The following CORIN variants were observed in gnomAD, a reference collection of about 807,000 sequenced individuals.
The protein encoded by CORIN is atrial natriuretic peptide-converting enzyme.
CORIN carries 117 observed loss-of-function variants against 125.3 expected under a neutral mutation model. The observed-to-expected ratio is 0.93, with a 90% CI of 0.80 to 1.09. The LOEUF is 1.09. Ranked by LOEUF, CORIN falls within the 50% of genes least tolerant of loss-of-function variation. The pLI is 0.00. For synonymous variants in CORIN, 450 were observed against 466.4 expected, an observed-to-expected ratio of 0.96 and a Z score of 0.45; for missense variants, 1,253 against 1,306.7, an observed-to-expected ratio of 0.96 and a Z score of 0.63.
At chr4:47,732,238 G>A (rs1269352826) in intron 5 of CORIN, among the ~76,000 whole-genome samples, 3 of 152,182 alleles carry the variant, frequency 2.0e-5, no homozygotes, top group African/African-American at 7.2e-5. Flanking sequence ...GCAGTGACAG[G>A]CAGATCAGAA....
intron 16 of CORIN, among the ~76,000 whole-genome samples, chr4:47,628,680 T>C (rs1198420445): frequency 6.6e-6 from 1 of 152,196 alleles, no homozygotes; most frequent in Non-Finnish European, 1.5e-5. Flanking sequence ...AAGTTGACTT[T>C]TTTAGATTCC....
At chr4:47,600,582 T>G (rs12650894) in intron 20 of CORIN, among the ~76,000 whole-genome samples, 41,229 of 151,964 alleles carry the variant, frequency 0.27, 6,780 homozygotes, top group East Asian at 0.64. Flanking sequence ...TATTAATGGG[T>G]AAACCAAGGC....
chr4:47,775,883 T>C (rs1730274824), intron 3 of CORIN, among the ~76,000 whole-genome samples: 2 of 152,310 alleles, frequency 1.3e-5, no homozygotes, highest in South Asian at 4.1e-4. Context: ...GATTTGGGGC[T>C]TTGTCTTTTG....
At chr4:47,643,108 T>C in intron 15 of CORIN, 38 bp downstream of exon 15, 3 of 1,613,862 alleles carry the variant, frequency 1.9e-6, no homozygotes, top group Non-Finnish European at 2.5e-6. Context: ...CTGACAGGCA[T>C]GAGAGAGTAC....
chr4:47,781,879 A>G (rs534442215), intron 3 of CORIN, among the ~76,000 whole-genome samples: 1 of 152,202 alleles, frequency 6.6e-6, no homozygotes, highest in Admixed American at 6.5e-5. Flanking sequence ...CAGAGGTTGC[A>G]GTGAGCCGAG....
intron 5 of CORIN, among the ~76,000 whole-genome samples, chr4:47,723,355 C>T (rs1577863665): frequency 1.3e-5 from 2 of 152,230 alleles, no homozygotes; most frequent in East Asian, 3.9e-4. Flanking sequence ...TGGGTTTATC[C>T]CTCAGGTCTC....
chr4:47,786,382 GA>G (rs952720904), intron 3 of CORIN, among the ~76,000 whole-genome samples: 6 of 151,086 alleles, frequency 4.0e-5, no homozygotes, highest in African/African-American at 9.7e-5. Flanking sequence ...CAAAACTACA[GA>G]AAAAAAAATT....
chr4:47,624,322 G>A (rs567498731), intron 17 of CORIN, among the ~76,000 whole-genome samples: 5 of 152,238 alleles, frequency 3.3e-5, no homozygotes, highest in Middle Eastern at 3.4e-3. Context: ...GTTCTCAAGG[G>A]GAGATGGGAG....
At chr4:47,727,988 A>T (rs1320721328) in intron 5 of CORIN, among the ~76,000 whole-genome samples, 2 of 152,170 alleles carry the variant, frequency 1.3e-5, no homozygotes, top group African/African-American at 4.8e-5. Flanking sequence ...CCTCCTCGAT[A>T]AGAGCTTAAC....
intron 19 of CORIN, among the ~76,000 whole-genome samples, chr4:47,612,081 T>C (rs1006249205): frequency 1.3e-5 from 2 of 152,220 alleles, no homozygotes; most frequent in African/African-American, 4.8e-5. Flanking sequence ...CCTCATAAAA[T>C]GAGTGAGAGA....
intron 4 of CORIN, 138 bp from the exon 5 acceptor site, chr4:47,744,721 T>C (rs2109837911): frequency 1.4e-6 from 1 of 730,996 alleles, no homozygotes; most frequent in East Asian, 2.9e-5. Context: ...CTTAAATTTT[T>C]ACATTCAGTC....
intron 2 of CORIN, among the ~76,000 whole-genome samples, chr4:47,801,865 C>A (rs917203195): frequency 5.1e-4 from 78 of 152,386 alleles, no homozygotes; most frequent in African/African-American, 1.8e-3. Context: ...TAGTGCTGAG[C>A]TGGGTTCAGA....
In CORIN at chr4:47,825,554, G is replaced by T. The variant is rs1257605215; in HGVS notation, c.63+12333C>A. Among the ~76,000 whole-genome samples, 3 of 151,972 alleles carry T rather than the reference G, an allele frequency of 2.0e-5. No individual in the cohort carries two copies. In the East Asian group the frequency reaches 5.8e-4, roughly 29 times the overall value. On this transcript the variant is annotated intron_variant, in intron 1 of 21. Coordinates refer to ENST00000273857, the MANE Select transcript of CORIN (RefSeq NM_006587.4). ...ACATTCGCTAACATTCATAGATAAA[G>T]ACGTAAGAGTAACACTTGAATCCCA... is the stretch of plus-strand genomic sequence containing the variant.
intron 13 of CORIN, among the ~76,000 whole-genome samples, chr4:47,653,024 CCA>C (rs1723804836): frequency 6.6e-6 from 1 of 152,148 alleles, no homozygotes. Context: ...GTTTCAGTTT[CCA>C]CAGTTTCAGT....
At chr4:47,727,524 T>G (rs2109807756) in intron 5 of CORIN, among the ~76,000 whole-genome samples, 1 of 152,236 alleles carries the variant, frequency 6.6e-6, no homozygotes, top group Non-Finnish European at 1.5e-5. Context: ...GTCTTATGAC[T>G]GAAGGAAAGT....
At chr4:47,657,513 C>T (rs530174050) in intron 12 of CORIN, among the ~76,000 whole-genome samples, 16 of 134,064 alleles carry the variant, frequency 1.2e-4, no homozygotes, top group African/African-American at 2.5e-4. Context: ...CCAGCCTGGG[C>T]GACAGAGCGA....
chr4:47,804,037 G>A (rs1209099754), intron 2 of CORIN, among the ~76,000 whole-genome samples: 2 of 152,118 alleles, frequency 1.3e-5, no homozygotes, highest in African/African-American at 4.8e-5. Context: ...ACTTAAAAAT[G>A]GGCAAAAGAT....
chr4:47,684,808 A>T (rs746803075), intron 6 of CORIN, among the ~76,000 whole-genome samples: 1 of 152,216 alleles, frequency 6.6e-6, no homozygotes, highest in Non-Finnish European at 1.5e-5. Flanking sequence ...ATTCAATTAT[A>T]AATGGTCAAA....
chr4:47,603,743 A>T (rs1362146876), intron 19 of CORIN, 75 bp from the exon 20 acceptor site: 1 of 1,500,042 alleles, frequency 6.7e-7, no homozygotes, highest in East Asian at 2.4e-5. Context: ...TAATTTTAAA[A>T]CATTTTATTT....
Sources: allele counts gnomAD v4.1 joint callset (sites outside exome capture counted in the v4.1 genomes callset), GRCh38; gene constraint gnomAD v4.1.1; transcripts MANE v1.5; gene names NCBI Gene and HGNC (gene_info 2026-07-23, HGNC 2026-07-21).